DGKH: variants seen among roughly 807,000 people sequenced by gnomAD.
DGKH encodes diacylglycerol kinase eta, also known as DAG kinase eta.
DGKH carries 90 observed loss-of-function variants against 159.3 expected under a neutral mutation model. The ratio of observed to expected loss-of-function variants is 0.57; its 90% confidence interval spans 0.48 to 0.67. The LOEUF (loss-of-function observed/expected upper bound fraction) is 0.67, where lower values mean the gene tolerates loss of function less well. DGKH is among the 30% of genes least tolerant of loss of function. The pLI is 0.00. For missense variants in DGKH, 1,181 were observed against 1,506.1 expected (o/e 0.78, Z 3.57); for synonymous variants, 536 against 553.8 (o/e 0.97, Z 0.45).
chr13:42,086,773 C>A (rs1318439658), intron 1 of DGKH, among the ~76,000 whole-genome samples: 2 of 152,142 alleles, frequency 1.3e-5, no homozygotes, highest in African/African-American at 4.8e-5. Flanking sequence ...TGGGTGTGAG[C>A]CCTCTGATTG....
chr13:42,213,199 A>C (rs1054595436), intron 24 of DGKH, among the ~76,000 whole-genome samples: 2 of 152,192 alleles, frequency 1.3e-5, no homozygotes, highest in Non-Finnish European at 2.9e-5. Flanking sequence ...GATAGACTAA[A>C]GCAGTAAAGA....
At chr13:42,091,362 A>G (rs1047204764) in intron 1 of DGKH, among the ~76,000 whole-genome samples, 3 of 152,232 alleles carry the variant, frequency 2.0e-5, no homozygotes, top group African/African-American at 7.2e-5. Context: ...GACACTATCA[A>G]GGTTGAAAAG....
At chr13:42,160,348 G>A (rs942454507) in intron 7 of DGKH, among the ~76,000 whole-genome samples, 3 of 152,098 alleles carry the variant, frequency 2.0e-5, no homozygotes, top group East Asian at 1.9e-4. Context: ...TTGTTCATCC[G>A]TGTCCTGTGC....
intron 20 of DGKH, among the ~76,000 whole-genome samples, chr13:42,205,822 C>G (rs1957453366): frequency 6.6e-6 from 1 of 152,074 alleles, no homozygotes; most frequent in African/African-American, 2.4e-5. Flanking sequence ...CTTTAAAAAT[C>G]AGTTTTTTGT....
At chr13:42,186,016 T>TGGG (rs1566170010) in intron 13 of DGKH, among the ~76,000 whole-genome samples, 1 of 92,308 alleles carries the variant, frequency 1.1e-5, no homozygotes, top group Non-Finnish European at 2.6e-5. Context: ...TGGTGGTGTG[T>TGGG]GTGTGTGTGT....
chr13:42,127,619 G>A (rs780215186), intron 2 of DGKH, 46 bp downstream of exon 2: 6 of 1,554,162 alleles, frequency 3.9e-6, no homozygotes, highest in South Asian at 3.4e-5. Flanking sequence ...GCTATGGATG[G>A]ATGTAAAATT....
At chr13:42,074,000 A>G (rs1252748469) in intron 1 of DGKH, among the ~76,000 whole-genome samples, 1 of 152,224 alleles carries the variant, frequency 6.6e-6, no homozygotes, top group African/African-American at 2.4e-5. Context: ...TCTCATAGAA[A>G]TTATCTTGAT....
Position 42,210,618 on chromosome 13 carries a change from T to C in DGKH, c.2867T>C (p.Leu956Pro), listed in dbSNP as rs774102103. The change falls in exon 24 of 30, where the codon CTG becomes CCG. Residue 956 changes from leucine to proline, a missense_variant. Physicochemically the swap from Leu to Pro is moderately conservative, Grantham distance 98 (BLOSUM62 -3). Around this residue, in one of 5 missense-constraint regions of DGKH, gnomAD observed 335 missense variants for 495.2 expected, o/e 0.68. Coordinates refer to ENST00000337343, the MANE Select transcript of DGKH (RefSeq NM_178009.5). ...LTRDRAFEST[L>P]KSWEDKQKCD... ...TTTAAATAGGCCTTTGAGAGCACTCTGAAATCTTGGGAAGATAAGCAGAAG... is the reference window on the plus strand; with the variant it reads ...TTTAAATAGGCCTTTGAGAGCACTCCGAAATCTTGGGAAGATAAGCAGAAG... The C allele has an allele frequency of 6.2e-7, 1 of 1,612,024 alleles. No individual in the cohort carries two copies. Among genetic ancestry groups the C allele is most frequent in the Non-Finnish European group, 8.5e-7 (1 of 1,179,902 alleles).
intron 7 of DGKH, among the ~76,000 whole-genome samples, chr13:42,164,868 G>T (rs1256796127): frequency 6.6e-6 from 1 of 152,112 alleles, no homozygotes; most frequent in African/African-American, 2.4e-5. Context: ...TGCAGAAAAA[G>T]CAGGCACTTT....
At position 42,048,727 on chromosome 13, in the gene DGKH, C is replaced by G; in HGVS notation, c.-47C>G. On this transcript the variant is annotated 5_prime_UTR_variant, in exon 1 of 30. Transcript: ENST00000337343. The surrounding 1 kb of genome is among the most constrained non-coding windows in gnomAD (Gnocchi z 6.7). ...GCAGAGCCCACCCGCTGACCAACGCCGCCGCCCCCGCCGGGCGGTGCTGTG... is the reference window on the plus strand; with the variant it reads ...GCAGAGCCCACCCGCTGACCAACGCGGCCGCCCCCGCCGGGCGGTGCTGTG... 5.6e-6 allele frequency: 7 copies of G among 1,241,968 alleles called. No homozygotes were observed. The highest frequency in any genetic ancestry group is 7.1e-6 in the Non-Finnish European group (7 of 986,848). 76.9% of individuals were successfully genotyped at this position (1,241,968 alleles called of 1,614,324 possible). A position where few individuals can be genotyped will look rare whatever the true frequency, so the allele number is the denominator to read the frequency against.
intron 1 of DGKH, among the ~76,000 whole-genome samples, chr13:42,088,046 G>C (rs1594009972): frequency 6.6e-6 from 1 of 152,116 alleles, no homozygotes; most frequent in Admixed American, 6.6e-5. Flanking sequence ...ATTTTATGTA[G>C]AACAAAGATT....
chr13:42,121,905 C>T (rs1051238245), intron 1 of DGKH, among the ~76,000 whole-genome samples: 4 of 152,184 alleles, frequency 2.6e-5, no homozygotes, highest in East Asian at 1.9e-4. Context: ...TCACCTCCGC[C>T]GTGGAGTCTC....
intron 1 of DGKH, among the ~76,000 whole-genome samples, chr13:42,113,900 G>A (rs1465021310): frequency 1.3e-5 from 2 of 152,086 alleles, no homozygotes; most frequent in Non-Finnish European, 2.9e-5. Context: ...GCTTTAGGAT[G>A]GGGTAAAACA....
downstream of DGKH, among the ~76,000 whole-genome samples, chr13:42,247,367 A>G (rs1958589904): frequency 6.6e-6 from 1 of 151,484 alleles, no homozygotes; most frequent in Non-Finnish European, 1.5e-5. Flanking sequence ...AGTAGCTGGG[A>G]CTACCAGTGT....
At chr13:42,174,768 C>G (rs991768221) in intron 12 of DGKH, among the ~76,000 whole-genome samples, 1 of 152,124 alleles carries the variant, frequency 6.6e-6, no homozygotes, top group Non-Finnish European at 1.5e-5. Flanking sequence ...TGCGATGATG[C>G]AAACACAGCT....
intron 1 of DGKH, among the ~76,000 whole-genome samples, chr13:42,083,326 TGGTGATACTGTAAGTAGTGGTATGA>T: frequency 6.6e-6 from 1 of 151,692 alleles, no homozygotes; most frequent in East Asian, 1.9e-4. Context: ...TGCGAGGGTG[TGGTGATACTGTAAGTAGTGGTATGA>T]CGTCGGAAGG....
chr13:42,040,704 G>A (rs977497622), intron 1 of DGKH, among the ~76,000 whole-genome samples: 1 of 150,506 alleles, frequency 6.6e-6, no homozygotes, highest in African/African-American at 2.4e-5. Flanking sequence ...GGAGAGCGCG[G>A]CGGAAGCCGG....
chr13:42,054,944 ATACTT>A (rs1230555151), intron 1 of DGKH, among the ~76,000 whole-genome samples: 1 of 152,242 alleles, frequency 6.6e-6, no homozygotes, highest in East Asian at 1.9e-4. Context: ...GCCATAGACA[ATACTT>A]TAAGTGTTGC....
At chr13:42,115,229 A>C (rs1050560959) in intron 1 of DGKH, among the ~76,000 whole-genome samples, 1 of 152,238 alleles carries the variant, frequency 6.6e-6, no homozygotes, top group Non-Finnish European at 1.5e-5. Context: ...GAATTCCTCC[A>C]GTTGTTATCA....
Sources: allele counts gnomAD v4.1 joint callset (sites outside exome capture counted in the v4.1 genomes callset), GRCh38; gene constraint gnomAD v4.1.1; regional missense constraint gnomAD v4.1.1; non-coding constraint Gnocchi (gnomAD v3.1); transcripts MANE v1.5; gene names NCBI Gene and HGNC (gene_info 2026-07-23, HGNC 2026-07-21).